The following COQ2 variants were observed in gnomAD, a reference collection of about 807,000 sequenced individuals.
COQ2 encodes the protein 4-hydroxybenzoate polyprenyltransferase, mitochondrial.
In COQ2, 25 loss-of-function variants were observed where a neutral mutation model predicts 35.7. The observed-to-expected ratio is 0.70, with a 90% CI of 0.51 to 0.98. The LOEUF (loss-of-function observed/expected upper bound fraction) is 0.98. Ranked by LOEUF, COQ2 falls within the 50% of genes least tolerant of loss-of-function variation. COQ2 has a pLI of 0.00. For synonymous variants in COQ2, 206 were observed against 186.2 expected, an observed-to-expected ratio of 1.11 and a Z score of -0.86; for missense variants, 488 against 473.5, an observed-to-expected ratio of 1.03 and a Z score of -0.28.
chr4:83,283,020 T>C (rs1735362242), intron 1 of COQ2, among the ~76,000 whole-genome samples: 1 of 152,196 alleles, frequency 6.6e-6, no homozygotes, highest in Non-Finnish European at 1.5e-5. Flanking sequence ...AGATTGGAAC[T>C]GGGCTTGGAA....
chr4:83,275,181 C>T (rs891455469), intron 2 of COQ2, among the ~76,000 whole-genome samples: 3 of 152,268 alleles, frequency 2.0e-5, no homozygotes, highest in African/African-American at 7.2e-5. Flanking sequence ...CTTTTTTTCA[C>T]TCAAGTTGAG....
At chr4:83,276,276 T>A (rs978503278) in intron 2 of COQ2, among the ~76,000 whole-genome samples, 1 of 151,902 alleles carries the variant, frequency 6.6e-6, no homozygotes, top group Non-Finnish European at 1.5e-5. Context: ...TTGAGCTCCT[T>A]GTAGATTCTA....
chr4:83,279,394 C>G (rs1292382115), intron 1 of COQ2, among the ~76,000 whole-genome samples: 1 of 152,084 alleles, frequency 6.6e-6, no homozygotes, highest in Admixed American at 6.5e-5. Context: ...AAAAGATACT[C>G]AACTTTGAGA....
intron 5 of COQ2, among the ~76,000 whole-genome samples, chr4:83,269,255 G>A (rs1204303515): frequency 1.3e-5 from 2 of 151,990 alleles, no homozygotes; most frequent in East Asian, 1.9e-4. Flanking sequence ...ATGGTACATC[G>A]AATTTATGGC....
intron 5 of COQ2, among the ~76,000 whole-genome samples, chr4:83,269,193 A>G (rs1018929419): frequency 1.3e-5 from 2 of 152,358 alleles, no homozygotes; most frequent in Middle Eastern, 3.4e-3. Flanking sequence ...ATAATTGTGA[A>G]AACTCAGAAA....
intron 2 of COQ2, 119 bp from the exon 3 acceptor site, chr4:83,273,736 T>C: frequency 1.1e-6 from 1 of 940,294 alleles, no homozygotes; most frequent in East Asian, 2.6e-5. Flanking sequence ...GAAATCAACA[T>C]TTTAAGTACT....
intron 4 of COQ2, among the ~76,000 whole-genome samples, chr4:83,271,239 A>G (rs1474681808): frequency 2.6e-5 from 4 of 152,188 alleles, no homozygotes; most frequent in Admixed American, 6.5e-5. Context: ...CTGGGCCACA[A>G]TTTATTAACT....
chr4:83,279,637 AAT>A (rs1735267714), intron 1 of COQ2, among the ~76,000 whole-genome samples: 1 of 152,084 alleles, frequency 6.6e-6, no homozygotes, highest in Non-Finnish European at 1.5e-5. Context: ...CGTCAATGTT[AAT>A]ATGCTCAAAG....
chr4:83,273,734 C>T (rs1735102330), intron 2 of COQ2, 117 bp from the exon 3 acceptor site: 3 of 966,226 alleles, frequency 3.1e-6, no homozygotes, highest in East Asian at 2.6e-5. Context: ...GAGAAATCAA[C>T]ATTTTAAGTA....
At chr4:83,281,204 T>C (rs1735312182) in intron 1 of COQ2, among the ~76,000 whole-genome samples, 1 of 152,196 alleles carries the variant, frequency 6.6e-6, no homozygotes. Flanking sequence ...CCTGGAGCTA[T>C]GAGTATAGTT....
At chr4:83,266,992 C>A (rs1734934398) in intron 6 of COQ2, 1 of 334,468 alleles carries the variant, frequency 3.0e-6, no homozygotes, top group Non-Finnish European at 5.8e-6. Flanking sequence ...CTTCAGATAT[C>A]ACTGAAATTT....
chr4:83,283,840 G>A (rs1431774587), intron 1 of COQ2: 1 of 985,444 alleles, frequency 1.0e-6, no homozygotes, highest in African/African-American at 1.7e-5. Flanking sequence ...AGTGAGGTTG[G>A]TAGGTGTTAA....
Position 83,278,953 on chromosome 4 carries a change from T to A in COQ2, c.415A>T (p.Lys139Ter), listed in dbSNP as rs1735247067. ...INDMWDQDYDKKVTRTANRPI... is the reference protein window; with the variant it reads ...INDMWDQDYD ...CCTTTTCAGGATGAAATTACCTTTT[T>A]ATCATAGTCCTGGTCCCACATGTCA... Residue 139 changes from lysine to a stop codon, truncating the protein, a stop_gained, in exon 2 of 7, where the codon AAA (lysine) becomes TAA (stop). Transcript: ENST00000647002. LOFTEE classifies it high-confidence loss of function. The A allele has an allele frequency of 6.3e-7, 1 of 1,581,360 alleles. No homozygotes were observed. Among genetic ancestry groups the A allele is most frequent in the African/African-American group, 1.4e-5 (1 of 73,396 alleles).
At chr4:83,270,300 G>A (rs569982552) in intron 4 of COQ2, among the ~76,000 whole-genome samples, 4 of 152,104 alleles carry the variant, frequency 2.6e-5, no homozygotes, top group African/African-American at 9.7e-5. Flanking sequence ...CTAATATGGT[G>A]CACGGCACTA....
chr4:83,279,020 G>A lies in COQ2; in HGVS notation c.348C>T (p.Gly116=), dbSNP rs1053656645. Residue 116 remains glycine, a synonymous_variant, in exon 2 of 7, where the codon GGC becomes GGT. Coordinates refer to ENST00000647002, the MANE Select transcript of COQ2 (RefSeq NM_001358921.2). The part of the protein sequence containing the change: ...FPDWYMLSLF[G]TGAILMRGAG... ...CTCCACGCATCAGAATAGCTCCAGT[G>A]CCAAAGAGGGAGAGCATGTACCAAT... 2.1e-5 allele frequency: 33 copies of A among 1,606,926 alleles called. No homozygotes were observed. Among genetic ancestry groups the A allele is most frequent in the Non-Finnish European group, 2.7e-5 (32 of 1,176,476 alleles).
At chr4:83,267,798 CTG>C in intron 5 of COQ2, 24 bp from the exon 6 acceptor site, 2 of 1,514,490 alleles carry the variant, frequency 1.3e-6, no homozygotes, top group South Asian at 1.3e-5. Context: ...GAAAAATAAA[CTG>C]TTTTTTGAGA....
intron 2 of COQ2, 117 bp downstream of exon 2, chr4:83,278,831 G>A: frequency 8.8e-7 from 1 of 1,140,056 alleles, no homozygotes; most frequent in Non-Finnish European, 1.2e-6. Flanking sequence ...TTTCCATGCT[G>A]GATTTCTGTG....
intron 1 of COQ2, among the ~76,000 whole-genome samples, chr4:83,279,427 A>G (rs1463853375): frequency 5.3e-5 from 8 of 152,214 alleles, no homozygotes; most frequent in African/African-American, 1.4e-4. Flanking sequence ...AACTAAATTG[A>G]GATAAAAATT....
At position 83,284,790 on chromosome 4, in the gene COQ2, C is replaced by T. The variant is rs771453543; in HGVS notation, c.-26G>A. 3 of 1,568,250 alleles carry T rather than the reference C, an allele frequency of 1.9e-6. No individual in the cohort carries two copies. The highest frequency in any genetic ancestry group is 3.3e-4 in the Middle Eastern group (2 of 6,020). Reference sequence around the variant, plus strand: ...GGCGCTGGTGAGGCCGGGACGAGCTCGGATTGACGTCATTCCCCGGCAGGC... The same window carrying T: ...GGCGCTGGTGAGGCCGGGACGAGCTTGGATTGACGTCATTCCCCGGCAGGC... On this transcript the variant is annotated 5_prime_UTR_variant, in exon 1 of 7. Transcript: ENST00000647002.
Sources: gnomAD v4.1 joint callset for allele counts (sites outside exome capture counted in the v4.1 genomes callset) on GRCh38, gnomAD v4.1.1 for gene constraint, MANE v1.5 for transcripts, NCBI Gene and HGNC (gene_info 2026-07-23, HGNC 2026-07-21) for gene names.